ARGLU1: variants seen among roughly 807,000 people sequenced by gnomAD.
ARGLU1 encodes arginine and glutamate-rich protein 1.
A neutral mutation model predicts 37.6 loss-of-function variants in ARGLU1; 9 were observed. The observed-to-expected ratio is 0.24, with a 90% confidence interval of 0.14 to 0.42. ARGLU1 has a LOEUF of 0.42. Ranked by LOEUF, ARGLU1 falls within the 10% of genes least tolerant of loss-of-function variation. The pLI is 1.00. For synonymous variants in ARGLU1, 166 were observed against 138.5 expected, an observed-to-expected ratio of 1.20 and a Z score of -1.39; for missense variants, 211 against 359.2, an observed-to-expected ratio of 0.59 and a Z score of 3.34.
intron 1 of ARGLU1, among the ~76,000 whole-genome samples, chr13:106,560,543 TCTC>T (rs906011102): frequency 3.3e-5 from 5 of 152,176 alleles, no homozygotes; most frequent in Non-Finnish European, 7.3e-5. Context: ...ATATAAATGA[TCTC>T]CTATTTTTAT....
intron 3 of ARGLU1, among the ~76,000 whole-genome samples, chr13:106,549,842 T>G (rs1566471404): frequency 6.6e-6 from 1 of 152,240 alleles, no homozygotes; most frequent in African/African-American, 2.4e-5. Flanking sequence ...TGACTGAGAT[T>G]GAGCTTTGTA....
chr13:106,554,800 G>A (rs1420904741), intron 3 of ARGLU1, among the ~76,000 whole-genome samples: 1 of 151,534 alleles, frequency 6.6e-6, no homozygotes, highest in Admixed American at 6.6e-5. Flanking sequence ...CAGGAGGATT[G>A]CTTGAATCTG....
intron 3 of ARGLU1, among the ~76,000 whole-genome samples, chr13:106,550,036 A>G (rs1880496417): frequency 6.6e-6 from 1 of 152,142 alleles, no homozygotes; most frequent in Non-Finnish European, 1.5e-5. Flanking sequence ...CTCTTTTTAC[A>G]GTTCTTCTGT....
chr13:106,552,393 T>C (rs982297112), intron 3 of ARGLU1, among the ~76,000 whole-genome samples: 20 of 152,312 alleles, frequency 1.3e-4, no homozygotes, highest in African/African-American at 4.6e-4. Context: ...ACCTAAAATT[T>C]TATTAGAAAT....
chr13:106,562,139 G>T (rs2138975260), intron 1 of ARGLU1, among the ~76,000 whole-genome samples: 1 of 152,272 alleles, frequency 6.6e-6, no homozygotes, highest in Admixed American at 6.5e-5. Context: ...CAACAGGCAG[G>T]GTTCAGGGTA....
At chr13:106,563,786 A>G (rs1880882573) in intron 1 of ARGLU1, among the ~76,000 whole-genome samples, 1 of 152,212 alleles carries the variant, frequency 6.6e-6, no homozygotes, top group Non-Finnish European at 1.5e-5. Flanking sequence ...CTCACAATGA[A>G]CTGCCCAAGT....
intron 2 of ARGLU1, 157 bp downstream of exon 2, chr13:106,559,275 A>G (rs1248958219): frequency 2.0e-6 from 3 of 1,535,974 alleles, no homozygotes; most frequent in Non-Finnish European, 2.6e-6. Flanking sequence ...ACTTCTGAAT[A>G]GGCTAAAAAA....
rs764802421 is a variant in ARGLU1, at chr13:106,557,029, A to G, written c.657+19T>C. The G allele has an allele frequency of 5.0e-6, 8 of 1,596,842 alleles. No homozygotes were observed. The highest frequency in any genetic ancestry group is 2.2e-5 in the East Asian group (1 of 44,744). ...TAAAGCAAAATACAAAACACTTTTC[A>G]TGTATGCTTTACACTTACCAGTTTG... is the stretch of plus-strand genomic sequence containing the variant. On this transcript the variant is annotated intron_variant, in intron 3 of 3. Transcript: ENST00000400198. The surrounding 1 kb of genome is among the most constrained non-coding windows in gnomAD (Gnocchi z 5.0).
chr13:106,567,653 C>G lies in ARGLU1; in HGVS notation c.267G>C (p.Val89=). The change falls in exon 1 of 4, where the codon GTG becomes GTC. Residue 89 remains valine, a synonymous_variant. Coordinates refer to ENST00000400198, the MANE Select transcript of ARGLU1 (RefSeq NM_018011.4). The surrounding 1 kb of genome is among the most constrained non-coding windows in gnomAD (Gnocchi z 4.3). ...TCTCGTCCAGGCTGCTGCGCTTGCT[C>G]ACCGTGCGCCCGAAGATGTCGATGC... The part of the protein sequence containing the change: ...PDRIDIFGRT[V]SKRSSLDEKQ... 2.5e-6 allele frequency: 4 copies of G among 1,613,632 alleles called. No individual in the cohort carries two copies. Among genetic ancestry groups the G allele is most frequent in the Non-Finnish European group, 3.4e-6 (4 of 1,179,712 alleles).
At position 106,568,013 on chromosome 13, in the gene ARGLU1, G is replaced by A; in HGVS notation, c.-94C>T. ...TCGGACGCGGGCTGGCGGTTCTACCGAGGCCGGAGGAAAGAAAGGTGTCGG... is the reference window on the plus strand; with the variant it reads ...TCGGACGCGGGCTGGCGGTTCTACCAAGGCCGGAGGAAAGAAAGGTGTCGG... On this transcript the variant is annotated 5_prime_UTR_variant, in exon 1 of 4. Coordinates refer to ENST00000400198, the MANE Select transcript of ARGLU1 (RefSeq NM_018011.4). 6.8e-7 allele frequency: 1 copy of A among 1,472,174 alleles called. No individual in the cohort carries two copies. Among genetic ancestry groups the A allele is most frequent in the Non-Finnish European group, 8.9e-7 (1 of 1,121,018 alleles). 91.2% of individuals were successfully genotyped at this position (1,472,174 alleles called of 1,614,324 possible).
intron 1 of ARGLU1, among the ~76,000 whole-genome samples, chr13:106,564,710 C>A (rs79745877): frequency 6.6e-6 from 1 of 152,144 alleles, no homozygotes; most frequent in Non-Finnish European, 1.5e-5. Flanking sequence ...CAAGGTTTCA[C>A]GACATTCAGC....
chr13:106,563,520 T>C (rs1490373008), intron 1 of ARGLU1, among the ~76,000 whole-genome samples: 2 of 151,970 alleles, frequency 1.3e-5, no homozygotes, highest in Non-Finnish European at 2.9e-5. Context: ...GAAAAAAGTA[T>C]AGGCCAGGCA....
intron 1 of ARGLU1, among the ~76,000 whole-genome samples, chr13:106,560,730 G>A (rs1335680804): frequency 1.3e-5 from 2 of 152,192 alleles, no homozygotes; most frequent in African/African-American, 4.8e-5. Context: ...GGCTCTTGCA[G>A]TAAATCTCAA....
In ARGLU1 at chr13:106,567,449, C is replaced by T; in HGVS notation, c.347+124G>A. On this transcript the variant is annotated intron_variant, in intron 1 of 3. Coordinates refer to ENST00000400198, the MANE Select transcript of ARGLU1 (RefSeq NM_018011.4). This position sits in a 1 kb window ranked among gnomAD's most constrained non-coding sequence, Gnocchi z 4.3. ...CCGCCTCTCCGACCCGTTCCCGCGC[C>T]CGGTCCCCAGCCCCGGACCGTCCCC... 1.6e-6 allele frequency: 1 copy of T among 642,810 alleles called. No homozygotes were observed. Among genetic ancestry groups the T allele is most frequent in the Non-Finnish European group, 2.4e-6 (1 of 408,306 alleles). 39.8% of individuals were successfully genotyped at this position (642,810 alleles called of 1,614,324 possible). A position where few individuals can be genotyped will look rare whatever the true frequency, so the allele number is the denominator to read the frequency against.
intron 3 of ARGLU1, among the ~76,000 whole-genome samples, chr13:106,554,267 T>C (rs1566472675): frequency 6.6e-6 from 1 of 152,224 alleles, no homozygotes. Flanking sequence ...TTTTTCTCAA[T>C]ATAGATTTTA....
intron 1 of ARGLU1, 82 bp from the exon 2 acceptor site, chr13:106,559,739 A>G: frequency 1.4e-6 from 2 of 1,420,090 alleles, no homozygotes. Flanking sequence ...TAAGTCTATC[A>G]AGCCATTGAG....
At chr13:106,558,487 C>T (rs1880714481) in intron 2 of ARGLU1, 1 of 985,320 alleles carries the variant, frequency 1.0e-6, no homozygotes. Flanking sequence ...TACAGGATTT[C>T]CTACATCACA....
chr13:106,553,432 T>C (rs1880583923), intron 3 of ARGLU1, among the ~76,000 whole-genome samples: 1 of 152,222 alleles, frequency 6.6e-6, no homozygotes, highest in African/African-American at 2.4e-5. Context: ...ATAAATTCAT[T>C]TGTAAATGAT....
At position 106,559,197 on chromosome 13, in the gene ARGLU1, C is replaced by G. The variant is rs899676520; in HGVS notation, c.573+235G>C. On this transcript the variant is annotated intron_variant, in intron 2 of 3. Transcript: ENST00000400198. Reference sequence around the variant, plus strand: ...TCAAACACTTCTCAAATAGCCAGTTCCATTAAATCAAAAAGTATCCTTGAA... The same window carrying G: ...TCAAACACTTCTCAAATAGCCAGTTGCATTAAATCAAAAAGTATCCTTGAA... 44 of 1,481,800 alleles carry G rather than the reference C, an allele frequency of 3.0e-5. No homozygotes were observed. The African/African-American group carries it at 5.6e-4, about 19-fold the overall frequency. The allele number at this position is 1,481,800 out of a possible 1,614,324, so 91.8% of individuals were successfully genotyped here.
Sources: allele counts gnomAD v4.1 joint callset (sites outside exome capture counted in the v4.1 genomes callset), GRCh38; gene constraint gnomAD v4.1.1; non-coding constraint Gnocchi (gnomAD v3.1); transcripts MANE v1.5; gene names NCBI Gene and HGNC (gene_info 2026-07-23, HGNC 2026-07-21).